The following CHRNA2 variants were observed in gnomAD, a reference collection of about 807,000 sequenced individuals.
CHRNA2 encodes the protein neuronal acetylcholine receptor subunit alpha-2.
Under a neutral mutation model 45.5 loss-of-function variants are expected in CHRNA2, and 40 were observed. The observed-to-expected ratio is 0.88, with a 90% CI of 0.68 to 1.15. CHRNA2 has a LOEUF of 1.15. Among genes scored for constraint, CHRNA2 ranks in the 50% most tolerant of loss-of-function variants. CHRNA2 has a pLI of 0.00. For synonymous variants in CHRNA2, 301 were observed against 296.7 expected (o/e 1.01, Z -0.15); for missense variants, 655 against 701.7 (o/e 0.93, Z 0.75).
chr8:27,470,022 G>A, intron 2 of CHRNA2, 41 bp from the exon 3 acceptor site: 1 of 1,572,458 alleles, frequency 6.4e-7, no homozygotes, highest in Non-Finnish European at 8.7e-7. Context: ...CTGAGCCTCA[G>A]TTTGCTCATC....
chr8:27,461,272 C>G lies in CHRNA2; in HGVS notation c.*357G>C. 1 of 297,452 alleles carries G rather than the reference C, an allele frequency of 3.4e-6. No individual in the cohort carries two copies. The highest frequency in any genetic ancestry group is 6.6e-6 in the Non-Finnish European group (1 of 152,492). The allele number at this position is 297,452 out of a possible 1,614,324, so 18.4% of individuals were successfully genotyped here. On this transcript the variant is annotated 3_prime_UTR_variant, in exon 7 of 7. Coordinates refer to ENST00000407991, the MANE Select transcript of CHRNA2 (RefSeq NM_000742.4). ...CGGCCCCTCCTTTGAGGTCTGCATTCCCTTCCTCGTCACCCTGGCCCCACT... is the reference window on the plus strand; with the variant it reads ...CGGCCCCTCCTTTGAGGTCTGCATTGCCTTCCTCGTCACCCTGGCCCCACT...
intron 4 of CHRNA2, among the ~76,000 whole-genome samples, chr8:27,468,374 G>A (rs1303774225): frequency 1.3e-5 from 2 of 152,212 alleles, no homozygotes; most frequent in African/African-American, 4.8e-5. Flanking sequence ...TGAGATGAGT[G>A]ACCCCCTGAT....
chr8:27,473,605 G>A (rs1442229860), intron 1 of CHRNA2, among the ~76,000 whole-genome samples: 2 of 151,354 alleles, frequency 1.3e-5, no homozygotes, highest in African/African-American at 2.4e-5. Flanking sequence ...TACTGGGAAG[G>A]CCAAGAAGGG....
At chr8:27,462,723 T>C (rs984418102) in intron 6 of CHRNA2, among the ~76,000 whole-genome samples, 1 of 152,200 alleles carries the variant, frequency 6.6e-6, no homozygotes, top group African/African-American at 2.4e-5. Flanking sequence ...CCTCTCCGGC[T>C]CTCAGGATCC....
Position 27,469,839 on chromosome 8 carries a change from G to A in CHRNA2, c.216C>T (p.Arg72=), listed in dbSNP as rs767104640. 9.3e-6 allele frequency: 15 copies of A among 1,614,084 alleles called. No homozygotes were observed. In the South Asian group the frequency reaches 1.6e-4, roughly 18 times the overall value. The part of the protein sequence containing the change: ...LFKHLFRGYN[R]WARPVPNTSD... ...AAGTGTTGGGCACCGGGCGCGCCCA[G>A]CGGTTGTAGCCCCGGAAGAGGTGTT... is the stretch of plus-strand genomic sequence containing the variant. Residue 72 remains arginine (R), a synonymous_variant, in exon 3 of 7, where the codon CGC becomes CGT. Coordinates refer to ENST00000407991, the MANE Select transcript of CHRNA2 (RefSeq NM_000742.4).
At position 27,467,402 on chromosome 8, in the gene CHRNA2, A is replaced by G; in HGVS notation, c.340-64T>C. Reference sequence around the variant, plus strand: ...GGGAGCAGCCTAGGGCAAAGCTAGCACACCCCGGGGATGCCCAGAATTGGG... The same window carrying G: ...GGGAGCAGCCTAGGGCAAAGCTAGCGCACCCCGGGGATGCCCAGAATTGGG... On this transcript the variant is annotated intron_variant, in intron 4 of 6. Transcript: ENST00000407991. 4.5e-6 allele frequency: 6 copies of G among 1,325,964 alleles called. No homozygotes were observed. In the Admixed American group the frequency reaches 1.0e-4, roughly 23 times the overall value. The allele number at this position is 1,325,964 out of a possible 1,614,324, so 82.1% of individuals were successfully genotyped here.
intron 1 of CHRNA2, among the ~76,000 whole-genome samples, chr8:27,477,857 G>T (rs1036335004): frequency 6.6e-6 from 1 of 152,048 alleles, no homozygotes; most frequent in Non-Finnish European, 1.5e-5. Flanking sequence ...TAAAGTGCTC[G>T]GACATCAGTG....
chr8:27,472,600 A>G (rs1238555698), intron 1 of CHRNA2, among the ~76,000 whole-genome samples: 3 of 152,232 alleles, frequency 2.0e-5, no homozygotes, highest in Non-Finnish European at 4.4e-5. Flanking sequence ...TATGCAGAAT[A>G]GGCAAATCTA....
In CHRNA2 at chr8:27,461,402, C is replaced by T. The variant is rs1266847208; in HGVS notation, c.*227G>A. 8 of 598,906 alleles carry T rather than the reference C, an allele frequency of 1.3e-5. No individual in the cohort carries two copies. Among genetic ancestry groups the T allele is most frequent in the Non-Finnish European group, 2.3e-5 (8 of 345,756 alleles). 37.1% of individuals were successfully genotyped at this position (598,906 alleles called of 1,614,324 possible). Reference sequence around the variant, plus strand: ...CACACTATTGCGACCTTCTGCAGAGCTTCCCCAGCTCCTCCGTATCCAAAA... The same window carrying T: ...CACACTATTGCGACCTTCTGCAGAGTTTCCCCAGCTCCTCCGTATCCAAAA... On this transcript the variant is annotated 3_prime_UTR_variant, in exon 7 of 7. Coordinates refer to ENST00000407991, the MANE Select transcript of CHRNA2 (RefSeq NM_000742.4).
chr8:27,469,321 AGG>A lies in CHRNA2; in HGVS notation c.339+12_339+13del, dbSNP rs139680977. 0.47 allele frequency: 733,758 copies of A among 1,552,382 alleles called. 175,939 individuals are homozygous for A. Among genetic ancestry groups the A allele is most frequent in the East Asian group, 0.68 (27,909 of 40,994 alleles). On this transcript the variant is annotated intron_variant, in intron 4 of 6. Transcript: ENST00000407991. Reference sequence around the variant, plus strand: ...CGGTACCCGCCACCTGGACTGGAGGAGGGGGGCCCTCACCTGTTTTAGCCAGA... The same window carrying A: ...CGGTACCCGCCACCTGGACTGGAGGAGGGGCCCTCACCTGTTTTAGCCAGA...
intron 6 of CHRNA2, 52 bp downstream of exon 6, chr8:27,462,927 C>G: frequency 6.2e-7 from 1 of 1,612,136 alleles, no homozygotes; most frequent in Non-Finnish European, 8.5e-7. Flanking sequence ...GGTGGTTCCC[C>G]GCTAAGTTGG....
intron 4 of CHRNA2, among the ~76,000 whole-genome samples, chr8:27,467,854 G>A (rs1257997671): frequency 1.3e-5 from 2 of 152,028 alleles, no homozygotes; most frequent in Non-Finnish European, 1.5e-5. Context: ...GGTGTTACCC[G>A]GGGACCTTCA....
chr8:27,470,513 A>G (rs1812847392), intron 2 of CHRNA2, among the ~76,000 whole-genome samples: 1 of 152,182 alleles, frequency 6.6e-6, no homozygotes. Context: ...AACTTTTCAA[A>G]ATGTTTCTAT....
At chr8:27,472,232 CA>C (rs1812908693) in intron 1 of CHRNA2, among the ~76,000 whole-genome samples, 1 of 152,200 alleles carries the variant, frequency 6.6e-6, no homozygotes, top group African/African-American at 2.4e-5. Context: ...GCCACTCTAG[CA>C]AGTTAGTTGA....
rs778279138 is a variant in CHRNA2 at position 27,467,324 on chromosome 8, G to A, written c.354C>T (p.Tyr118=). 13 of 1,612,794 alleles carry A rather than the reference G, an allele frequency of 8.1e-6. No individual in the cohort carries two copies. The highest frequency in any genetic ancestry group is 8.5e-7 in the Non-Finnish European group (1 of 1,178,950). ...AATCAGTGGGGTTCCAGCGCAGTTT[G>A]TAGTCGCTCCACTCCTGTGTGTGGG... The part of the protein sequence containing the change: ...NVWLKQEWSD[Y]KLRWNPTDFG... The change falls in exon 5 of 7, where the codon TAC becomes TAT. Residue 118 remains tyrosine (Y), a synonymous_variant. Coordinates refer to ENST00000407991, the MANE Select transcript of CHRNA2 (RefSeq NM_000742.4).
At chr8:27,470,044 G>T in intron 2 of CHRNA2, 63 bp from the exon 3 acceptor site, 1 of 1,429,944 alleles carries the variant, frequency 7.0e-7, no homozygotes. Flanking sequence ...GTAAAATGGA[G>T]ATGCTTATCC....
rs1323607965 is a variant in CHRNA2 at position 27,461,549 on chromosome 8, A to G, written c.*80T>C. The G allele has an allele frequency of 6.2e-7, 1 of 1,600,146 alleles. No individual in the cohort carries two copies. The highest frequency in any genetic ancestry group is 1.7e-5 in the Admixed American group (1 of 59,664). ...GAGGCACCTGCTCATCCCAAAGGGG[A>G]CACCAGAGGCAGCTGTAGCAGAGAC... On this transcript the variant is annotated 3_prime_UTR_variant, in exon 7 of 7. Transcript: ENST00000407991.
At position 27,461,249 on chromosome 8, in the gene CHRNA2, G is replaced by A. The variant is rs552243531; in HGVS notation, c.*380C>T. Reference sequence around the variant, plus strand: ...AAGAACCCTCCCCTTTGCCCCCACGGCCCCTCCTTTGAGGTCTGCATTCCC... The same window carrying A: ...AAGAACCCTCCCCTTTGCCCCCACGACCCCTCCTTTGAGGTCTGCATTCCC... On this transcript the variant is annotated 3_prime_UTR_variant, in exon 7 of 7. Transcript: ENST00000407991. 1.3e-4 allele frequency: 33 copies of A among 251,496 alleles called. No homozygotes were observed. In the South Asian group the frequency reaches 1.9e-3, roughly 14 times the overall value. 15.6% of individuals were successfully genotyped at this position (251,496 alleles called of 1,614,324 possible).
At chr8:27,464,678 G>A (rs1338130941) in intron 5 of CHRNA2, among the ~76,000 whole-genome samples, 9 of 150,830 alleles carry the variant, frequency 6.0e-5, no homozygotes, top group Admixed American at 2.6e-4. Context: ...AGCAGATGAT[G>A]AGTCGGTCCC....
Sources: allele counts gnomAD v4.1 joint callset (sites outside exome capture counted in the v4.1 genomes callset), GRCh38; gene constraint gnomAD v4.1.1; transcripts MANE v1.5; gene names NCBI Gene and HGNC (gene_info 2026-07-23, HGNC 2026-07-21).